Variants in MAGI3 observed in about 807,000 individuals in gnomAD.
MAGI3 encodes the protein membrane associated guanylate kinase, WW and PDZ domain containing 3.
In MAGI3, 43 loss-of-function variants were observed where a neutral mutation model predicts 121.8. The ratio of observed to expected loss-of-function variants is 0.35; its 90% CI spans 0.28 to 0.46. MAGI3 has a LOEUF of 0.46. Among genes scored for constraint, MAGI3 ranks in the 20% least tolerant of loss-of-function variants. The pLI is 1.00. For missense variants in MAGI3, 1,547 were observed against 1,797.3 expected, an observed-to-expected ratio of 0.86 and a Z score of 2.52; for synonymous variants, 553 against 639.3, an observed-to-expected ratio of 0.86 and a Z score of 2.04.
chr1:113,640,832 C>T (rs1036079482), intron 9 of MAGI3, among the ~76,000 whole-genome samples: 1 of 149,200 alleles, frequency 6.7e-6, no homozygotes. Context: ...CCATGGCACA[C>T]TTATACCTAT....
rs753068074 is a variant in MAGI3, at chr1:113,681,210, A to G, written c.3202A>G (p.Ile1068Val). 3 of 1,613,730 alleles carry G rather than the reference A, an allele frequency of 1.9e-6. No homozygotes were observed. Among genetic ancestry groups the G allele is most frequent in the Non-Finnish European group, 2.5e-6 (3 of 1,179,924 alleles). ...GTTCTCTGTCTAGGTTGGTGACCAGATTGTTGAAATCAATGGGGAACCTAC... is the reference window on the plus strand; with the variant it reads ...GTTCTCTGTCTAGGTTGGTGACCAGGTTGTTGAAATCAATGGGGAACCTAC... ...KDGRIHVGDQ[I>V]VEINGEPTQG... is the part of the protein sequence containing the mutation. Residue 1068 changes from isoleucine (I) to valine (V), a missense_variant, in exon 20 of 21, where the codon ATT becomes GTT. Ile to Val is a conservative substitution (Grantham distance 29). Transcript: ENST00000307546.
chr1:113,440,217 T>C (rs1235427361), intron 1 of MAGI3, among the ~76,000 whole-genome samples: 6 of 152,214 alleles, frequency 3.9e-5, no homozygotes, highest in Non-Finnish European at 8.8e-5. Context: ...ATGCTAGTTG[T>C]ATCTTATCTG....
At chr1:113,484,673 T>TTCCCC (rs1656273595) in intron 1 of MAGI3, among the ~76,000 whole-genome samples, 2 of 3,496 alleles carry the variant, frequency 5.7e-4, no homozygotes, top group Non-Finnish European at 9.7e-4. Flanking sequence ...CTCCCCTCCC[T>TTCCCC]TCCCATCCCC....
At chr1:113,630,568 G>A (rs576218522) in intron 9 of MAGI3, among the ~76,000 whole-genome samples, 2 of 152,254 alleles carry the variant, frequency 1.3e-5, no homozygotes, top group South Asian at 2.1e-4. Context: ...GCTGGGTCAC[G>A]CCTAAAGCCA....
chr1:113,535,207 T>C (rs1330133640), intron 1 of MAGI3, among the ~76,000 whole-genome samples: 2 of 152,128 alleles, frequency 1.3e-5, no homozygotes, highest in African/African-American at 4.8e-5. Flanking sequence ...TCAAAGATTA[T>C]ATTTGCTCTA....
At chr1:113,423,217 C>A (rs1408952510) in intron 1 of MAGI3, among the ~76,000 whole-genome samples, 2 of 143,894 alleles carry the variant, frequency 1.4e-5, no homozygotes, top group Non-Finnish European at 3.0e-5. Context: ...TAGTTCCTAT[C>A]TGCAGGCAGG....
At chr1:113,407,330 A>C (rs1651736056) in intron 1 of MAGI3, among the ~76,000 whole-genome samples, 1 of 152,108 alleles carries the variant, frequency 6.6e-6, no homozygotes, top group South Asian at 2.1e-4. Context: ...AAGAGGAACT[A>C]AATAAGACTT....
At chr1:113,531,811 T>G (rs1200494031) in intron 1 of MAGI3, among the ~76,000 whole-genome samples, 1 of 152,134 alleles carries the variant, frequency 6.6e-6, no homozygotes, top group African/African-American at 2.4e-5. Context: ...CATGTCTCCC[T>G]TTAAGGTGGC....
intron 9 of MAGI3, among the ~76,000 whole-genome samples, chr1:113,637,719 C>A (rs888362089): frequency 8.5e-5 from 13 of 152,068 alleles, no homozygotes; most frequent in African/African-American, 3.1e-4. Context: ...TGGAGTTGCT[C>A]TTCTCGAGGA....
At chr1:113,410,472 G>A (rs1651916591) in intron 1 of MAGI3, among the ~76,000 whole-genome samples, 2 of 151,866 alleles carry the variant, frequency 1.3e-5, no homozygotes, top group African/African-American at 4.8e-5. Flanking sequence ...CGTCCTAGAC[G>A]TGTGAATACA....
chr1:113,670,667 T>G (rs1169365538), intron 16 of MAGI3, among the ~76,000 whole-genome samples: 2 of 152,212 alleles, frequency 1.3e-5, no homozygotes, highest in East Asian at 3.8e-4. Context: ...ATGATGATAG[T>G]TATAATAGAA....
chr1:113,492,486 C>T (rs1475268090), intron 1 of MAGI3, among the ~76,000 whole-genome samples: 8 of 152,154 alleles, frequency 5.3e-5, no homozygotes, highest in Non-Finnish European at 1.0e-4. Context: ...TCTTGGCATC[C>T]TTTTTCCATT....
chr1:113,510,802 A>G (rs1332028529), intron 1 of MAGI3, among the ~76,000 whole-genome samples: 2 of 152,150 alleles, frequency 1.3e-5, no homozygotes. Context: ...ATTAAGCCAC[A>G]TTTAACTGCA....
chr1:113,486,398 G>C (rs963710292), intron 1 of MAGI3, among the ~76,000 whole-genome samples: 2 of 152,084 alleles, frequency 1.3e-5, no homozygotes, highest in African/African-American at 4.8e-5. Context: ...GCAGTGTTTT[G>C]TAGTTTTCCT....
At chr1:113,492,584 A>G (rs1014998064) in intron 1 of MAGI3, among the ~76,000 whole-genome samples, 3 of 152,254 alleles carry the variant, frequency 2.0e-5, no homozygotes, top group East Asian at 3.9e-4. Flanking sequence ...GAGCATCCAT[A>G]TAGGAGGAGA....
chr1:113,531,728 TGGGGGGCTGGGGC>T (rs1658734775), intron 1 of MAGI3, among the ~76,000 whole-genome samples: 6 of 8,726 alleles, frequency 6.9e-4, no homozygotes, highest in Non-Finnish European at 1.3e-3. Flanking sequence ...GGGGGTCGGG[TGGGGGGCTGGGGC>T]GGGGACAGGG....
At chr1:113,569,259 T>G (rs1660558299) in intron 2 of MAGI3, among the ~76,000 whole-genome samples, 1 of 152,166 alleles carries the variant, frequency 6.6e-6, no homozygotes, top group Non-Finnish European at 1.5e-5. Flanking sequence ...TTTATCCTCT[T>G]TTCTGTTTGA....
chr1:113,630,913 T>C (rs750828808), intron 9 of MAGI3, among the ~76,000 whole-genome samples: 7 of 152,164 alleles, frequency 4.6e-5, no homozygotes, highest in Non-Finnish European at 7.4e-5. Flanking sequence ...TTGCAGTCCT[T>C]GTGGCCTAGA....
intron 1 of MAGI3, among the ~76,000 whole-genome samples, chr1:113,530,905 GCC>G (rs200694214): frequency 4.1e-5 from 5 of 122,150 alleles, no homozygotes; most frequent in South Asian, 5.0e-4. Context: ...AGCAGAGCAA[GCC>G]CCTGTCTCAA....
Sources: gnomAD v4.1 joint callset for allele counts (sites outside exome capture counted in the v4.1 genomes callset) on GRCh38, gnomAD v4.1.1 for gene constraint, MANE v1.5 for transcripts, NCBI Gene and HGNC (gene_info 2026-07-23, HGNC 2026-07-21) for gene names.